EPM2A: variants seen among roughly 807,000 people sequenced by gnomAD.
EPM2A encodes the protein EPM2A glucan phosphatase, laforin.
EPM2A carries 21 observed loss-of-function variants against 26.5 expected under a neutral mutation model. That is an observed-to-expected ratio of 0.79 (90% CI 0.56 to 1.14). The LOEUF is 1.14. Ranked by LOEUF, EPM2A falls within the 50% of genes most tolerant of loss-of-function variation. The pLI is 0.00. For synonymous variants in EPM2A, 217 were observed against 177.6 expected, an observed-to-expected ratio of 1.22 and a Z score of -1.76; for missense variants, 458 against 440.8, an observed-to-expected ratio of 1.04 and a Z score of -0.35.
At chr6:145,602,072 T>C (rs1173088515) in intron 2 of EPM2A, among the ~76,000 whole-genome samples, 1 of 152,284 alleles carries the variant, frequency 6.6e-6, no homozygotes, top group East Asian at 1.9e-4. Flanking sequence ...TGCTTCTTCA[T>C]GGGAATATAT....
At chr6:145,396,381 T>A (rs1778405640) in intron 4 of EPM2A, among the ~76,000 whole-genome samples, 1 of 152,180 alleles carries the variant, frequency 6.6e-6, no homozygotes, top group East Asian at 1.9e-4. Flanking sequence ...AGGAATTAGA[T>A]AAAACAAAAT....
intron 1 of EPM2A, among the ~76,000 whole-genome samples, chr6:145,711,674 T>A (rs1044699463): frequency 6.6e-6 from 1 of 152,166 alleles, no homozygotes; most frequent in Non-Finnish European, 1.5e-5. Context: ...GTATTAGAGT[T>A]GGCAAAGGAA....
chr6:145,701,992 A>T (rs1239452544), intron 1 of EPM2A, among the ~76,000 whole-genome samples: 1 of 152,162 alleles, frequency 6.6e-6, no homozygotes, highest in Admixed American at 6.5e-5. Flanking sequence ...TCTTCGCTAT[A>T]ACACAGAATC....
chr6:145,718,034 C>T (rs1001933809), intron 1 of EPM2A, among the ~76,000 whole-genome samples: 5 of 151,392 alleles, frequency 3.3e-5, no homozygotes, highest in African/African-American at 1.2e-4. Flanking sequence ...GTGAAAATGG[C>T]CATACTGCCC....
intron 2 of EPM2A, among the ~76,000 whole-genome samples, chr6:145,593,010 T>C (rs1199113134): frequency 6.6e-6 from 1 of 151,890 alleles, no homozygotes; most frequent in Non-Finnish European, 1.5e-5. Flanking sequence ...AAGACAGAGA[T>C]TGTCAATATA....
intron 4 of EPM2A, among the ~76,000 whole-genome samples, chr6:145,440,634 C>A (rs376612389): frequency 6.6e-6 from 1 of 152,172 alleles, no homozygotes; most frequent in South Asian, 2.1e-4. Context: ...GGGGTACAGG[C>A]ATTGGTTAAA....
chr6:145,477,258 T>A (rs1779554450), intron 4 of EPM2A, among the ~76,000 whole-genome samples: 1 of 151,782 alleles, frequency 6.6e-6, no homozygotes, highest in African/African-American at 2.4e-5. Flanking sequence ...AACCCATCAA[T>A]AACAAGAAAC....
At chr6:145,544,042 G>A (rs1780550217) in intron 2 of EPM2A, among the ~76,000 whole-genome samples, 1 of 152,216 alleles carries the variant, frequency 6.6e-6, no homozygotes, top group Non-Finnish European at 1.5e-5. Context: ...CTTCTGGTCA[G>A]TCTCATGGTG....
intron 2 of EPM2A, among the ~76,000 whole-genome samples, chr6:145,565,332 C>A (rs374669407): frequency 6.6e-6 from 1 of 152,128 alleles, no homozygotes; most frequent in Non-Finnish European, 1.5e-5. Flanking sequence ...ATGTATCAGG[C>A]GCAAATGAGA....
At chr6:145,477,722 A>C (rs1779560020) in intron 4 of EPM2A, among the ~76,000 whole-genome samples, 1 of 151,914 alleles carries the variant, frequency 6.6e-6, no homozygotes, top group African/African-American at 2.4e-5. Flanking sequence ...ATTTGATAAA[A>C]TTTACTATTG....
chr6:145,420,975 T>C (rs1448831326), intron 4 of EPM2A, among the ~76,000 whole-genome samples: 3 of 152,148 alleles, frequency 2.0e-5, no homozygotes, highest in Non-Finnish European at 4.4e-5. Flanking sequence ...CTTTGGGACC[T>C]AATTACCTCT....
At chr6:145,726,217 G>A (rs1267177026) in intron 1 of EPM2A, among the ~76,000 whole-genome samples, 1 of 152,014 alleles carries the variant, frequency 6.6e-6, no homozygotes, top group African/African-American at 2.4e-5. Flanking sequence ...CACTGAAAGA[G>A]TACTCAATGG....
chr6:145,478,156 T>C (rs1464549964), intron 4 of EPM2A, among the ~76,000 whole-genome samples: 4 of 151,570 alleles, frequency 2.6e-5, no homozygotes, highest in Non-Finnish European at 4.4e-5. Flanking sequence ...GAGAAAGAAA[T>C]CCAAAACAGT....
intron 2 of EPM2A, among the ~76,000 whole-genome samples, chr6:145,587,404 G>C (rs1183669090): frequency 6.6e-6 from 1 of 152,190 alleles, no homozygotes; most frequent in East Asian, 1.9e-4. Flanking sequence ...GGAAGAGGAA[G>C]AGTGATTGCC....
chr6:145,482,285 G>A (rs938235187), intron 4 of EPM2A, among the ~76,000 whole-genome samples: 1 of 152,020 alleles, frequency 6.6e-6, no homozygotes, highest in Non-Finnish European at 1.5e-5. Context: ...TTAACACTAA[G>A]GCTTAAAAGA....
intron 1 of EPM2A, chr6:145,734,555 A>T (rs1270008428): frequency 6.6e-6 from 1 of 152,234 alleles, no homozygotes; most frequent in Non-Finnish European, 1.5e-5. Flanking sequence ...AGAAAAAAAA[A>T]TCCAAAAAGG....
intron 2 of EPM2A, among the ~76,000 whole-genome samples, chr6:145,551,681 G>C (rs1205158885): frequency 1.3e-5 from 2 of 151,966 alleles, no homozygotes; most frequent in Non-Finnish European, 2.9e-5. Context: ...AGAAATAAAT[G>C]TAAATCTTCT....
intron 2 of EPM2A, among the ~76,000 whole-genome samples, chr6:145,527,264 G>A (rs541413788): frequency 2.4e-4 from 37 of 152,108 alleles, no homozygotes; most frequent in Admixed American, 4.6e-4. Flanking sequence ...TATATTCTGC[G>A]GTTGATGGGT....
At chr6:145,469,397 A>G (rs577534999) in intron 4 of EPM2A, among the ~76,000 whole-genome samples, 34 of 152,298 alleles carry the variant, frequency 2.2e-4, no homozygotes, top group Admixed American at 1.5e-3. Context: ...GAAGACATAC[A>G]AATGGAAAAC....
Sources: allele counts gnomAD v4.1 joint callset (sites outside exome capture counted in the v4.1 genomes callset), GRCh38; gene constraint gnomAD v4.1.1; transcripts MANE v1.5; gene names NCBI Gene and HGNC (gene_info 2026-07-23, HGNC 2026-07-21).